CAMTA1: variants seen among roughly 807,000 people sequenced by gnomAD.
CAMTA1 encodes calmodulin binding transcription activator 1, also known as calmodulin-binding transcription activator 1.
CAMTA1 carries 27 observed loss-of-function variants against 170.9 expected under a neutral mutation model. The ratio of observed to expected loss-of-function variants is 0.16; its 90% confidence interval spans 0.12 to 0.22. CAMTA1 has a LOEUF of 0.22. Ranked by LOEUF, CAMTA1 falls within the 10% of genes least tolerant of loss-of-function variation. The pLI is 1.00. For missense variants in CAMTA1, 1,619 were observed against 2,217.2 expected (o/e 0.73, Z 5.42); for synonymous variants, 833 against 891.5 (o/e 0.93, Z 1.17).
At chr1:6,978,099 A>G in intron 3 of CAMTA1, among the ~76,000 whole-genome samples, 1 of 152,166 alleles carries the variant, frequency 6.6e-6, no homozygotes, top group Admixed American at 6.5e-5. Flanking sequence ...GGCGCTGGAG[A>G]TTGGCTAATG....
intron 16 of CAMTA1, among the ~76,000 whole-genome samples, chr1:7,742,458 C>T (rs557440798): frequency 6.6e-6 from 1 of 152,194 alleles, no homozygotes; most frequent in East Asian, 1.9e-4. Flanking sequence ...TATAATTGTT[C>T]TTTTCAGGTG....
At chr1:7,022,369 T>C (rs554810396) in intron 3 of CAMTA1, among the ~76,000 whole-genome samples, 1 of 152,124 alleles carries the variant, frequency 6.6e-6, no homozygotes, top group East Asian at 1.9e-4. Flanking sequence ...GACTCTGCCG[T>C]GGGTATTGGG....
rs532285661 is a variant in CAMTA1, at chr1:7,729,329, A to AG, written c.2915-3117dup. 1.8e-3 allele frequency among the ~76,000 whole-genome samples: 275 copies of AG among 152,234 alleles called. 1 individual carries two copies. The highest frequency in any genetic ancestry group is 6.4e-3 in the African/African-American group (264 of 41,546). The stretch of plus-strand genomic sequence containing the variant: ...GAGACTGGGTTTCACCATGTTGGCC[A>AG]GGCTGGTCTTGAACTCCTGACCTCA... On this transcript the variant is annotated intron_variant, in intron 11 of 22. Coordinates refer to ENST00000303635, the MANE Select transcript of CAMTA1 (RefSeq NM_015215.4).
intron 11 of CAMTA1, among the ~76,000 whole-genome samples, chr1:7,730,908 ATCTC>A (rs34139853): frequency 1.4e-4 from 20 of 144,078 alleles, no homozygotes; most frequent in South Asian, 4.5e-4. Flanking sequence ...CAAAGTCTCA[ATCTC>A]TCTCTCTCTC....
At chr1:7,649,638 G>C (rs1356561244) in intron 7 of CAMTA1, among the ~76,000 whole-genome samples, 1 of 152,240 alleles carries the variant, frequency 6.6e-6, no homozygotes, top group Non-Finnish European at 1.5e-5. Flanking sequence ...ACTCCAGCTA[G>C]TTTTATGGAG....
At chr1:7,711,677 T>C (rs1242439396) in intron 11 of CAMTA1, among the ~76,000 whole-genome samples, 1 of 152,242 alleles carries the variant, frequency 6.6e-6, no homozygotes, top group Non-Finnish European at 1.5e-5. Context: ...CTTAGTATTA[T>C]ACACTGTGGT....
Position 7,242,472 on chromosome 1 carries a change from T to C in CAMTA1, c.303-7019T>C, listed in dbSNP as rs967450249. Among the ~76,000 whole-genome samples, 5 of 152,252 alleles carry C rather than the reference T, an allele frequency of 3.3e-5. No individual in the cohort carries two copies. In the South Asian group the frequency reaches 1.0e-3, roughly 31 times the overall value. On this transcript the variant is annotated intron_variant, in intron 4 of 22. Coordinates refer to ENST00000303635, the MANE Select transcript of CAMTA1 (RefSeq NM_015215.4). ...GAAAGTTTTCTCCACTTTCAGGTTA[T>C]AGAGAAATTCACCTGTATTTTCTTG...
At chr1:6,984,090 GTGGGTGGGTGAATAGATGGGTTGGTAGA>G (rs1694942598) in intron 3 of CAMTA1, among the ~76,000 whole-genome samples, 11 of 18,942 alleles carry the variant, frequency 5.8e-4, no homozygotes, top group East Asian at 1.9e-3. Flanking sequence ...AGATGGATGG[GTGGGTGGGTGAATAGATGGGTTGGTAGA>G]TGAGTGGATA....
rs986432368 is a variant in CAMTA1, at chr1:7,076,749, C to T, written c.235-14555C>T. Among the ~76,000 whole-genome samples, 8 of 152,226 alleles carry T rather than the reference C, an allele frequency of 5.3e-5. No individual in the cohort carries two copies. In the South Asian group the frequency reaches 6.2e-4, roughly 12 times the overall value. On this transcript the variant is annotated intron_variant, in intron 3 of 22. Coordinates refer to ENST00000303635, the MANE Select transcript of CAMTA1 (RefSeq NM_015215.4). ...TTCCCAAGCAGTGGCAACATAGCAG[C>T]GGGTCTTCTGAGTCATGTGTCAGCT...
In CAMTA1 at chr1:7,673,023, G is replaced by A. The variant is rs186467554; in HGVS notation, c.2779+1986G>A. Among the ~76,000 whole-genome samples, 268 of 152,302 alleles carry A rather than the reference G, an allele frequency of 1.8e-3. No individual in the cohort carries two copies. The highest frequency in any genetic ancestry group is 6.2e-3 in the African/African-American group (256 of 41,576). ...GGCTGTGTGCAGCTGATGGGACCCC[G>A]GCCCGGCGGGAGTGGCGGGGAGGGC... On this transcript the variant is annotated intron_variant, in intron 10 of 22. Transcript: ENST00000303635. This position sits in a 1 kb window ranked among gnomAD's most constrained non-coding sequence, Gnocchi z 4.6.
Position 7,181,393 on chromosome 1 carries a change from A to G in CAMTA1, c.303-68098A>G, listed in dbSNP as rs1297099119. ...AATTGTACTGGAGGTATTAGCAATT[A>G]GGTAAGATAAATCAGTTACTGGCAT... On this transcript the variant is annotated intron_variant, in intron 4 of 22. Coordinates refer to ENST00000303635, the MANE Select transcript of CAMTA1 (RefSeq NM_015215.4). Among the ~76,000 whole-genome samples, 3 of 152,218 alleles carry G rather than the reference A, an allele frequency of 2.0e-5. No homozygotes were observed. In the East Asian group the frequency reaches 5.8e-4, roughly 29 times the overall value.
At chr1:7,257,636 A>G (rs6698698) in intron 5 of CAMTA1, among the ~76,000 whole-genome samples, 90,915 of 151,976 alleles carry the variant, frequency 0.6, 27,858 homozygotes, top group African/African-American at 0.66. Context: ...TAGTATGTAC[A>G]TGCACAGACA....
At chr1:7,232,345 A>G (rs1662995866) in intron 4 of CAMTA1, among the ~76,000 whole-genome samples, 1 of 152,184 alleles carries the variant, frequency 6.6e-6, no homozygotes, top group Admixed American at 6.5e-5. Context: ...AGGCACCGAC[A>G]TCTGCCTGTT....
intron 3 of CAMTA1, among the ~76,000 whole-genome samples, chr1:6,925,990 T>C (rs1271852098): frequency 6.6e-6 from 1 of 152,186 alleles, no homozygotes; most frequent in Non-Finnish European, 1.5e-5. Context: ...ATCATGTCCA[T>C]AATCTAAGTC....
chr1:7,605,295 AG>A (rs1383276671), intron 6 of CAMTA1, among the ~76,000 whole-genome samples: 1 of 152,224 alleles, frequency 6.6e-6, no homozygotes, highest in Non-Finnish European at 1.5e-5. Context: ...GAGTCTACAG[AG>A]GCAGGCAGGC....
chr1:6,842,303 G>A (rs748610294), intron 3 of CAMTA1, among the ~76,000 whole-genome samples: 3 of 152,362 alleles, frequency 2.0e-5, no homozygotes, highest in Non-Finnish European at 4.4e-5. Context: ...GTCATAGTGA[G>A]TGTAAAAACG....
At chr1:7,645,768 G>A (rs1439445036) in intron 7 of CAMTA1, among the ~76,000 whole-genome samples, 2 of 152,270 alleles carry the variant, frequency 1.3e-5, no homozygotes, top group Non-Finnish European at 2.9e-5. Context: ...GCGGCAGGAG[G>A]GCTGGCTGTG....
intron 4 of CAMTA1, among the ~76,000 whole-genome samples, chr1:7,242,011 G>GA (rs35045762): frequency 0.69 from 105,091 of 152,022 alleles, 37,410 homozygotes; most frequent in African/African-American, 0.87. Context: ...AGGAAAAGAG[G>GA]GACAAGTTAT....
chr1:6,933,291 T>A (rs536483587), intron 3 of CAMTA1, among the ~76,000 whole-genome samples: 1 of 152,306 alleles, frequency 6.6e-6, no homozygotes, highest in African/African-American at 2.4e-5. Flanking sequence ...TTCTTTTTTT[T>A]TTGAGATGGA....
Sources: allele counts gnomAD v4.1 joint callset (sites outside exome capture counted in the v4.1 genomes callset), GRCh38; gene constraint gnomAD v4.1.1; non-coding constraint Gnocchi (gnomAD v3.1); transcripts MANE v1.5; gene names NCBI Gene and HGNC (gene_info 2026-07-23, HGNC 2026-07-21).